ZNF136: variants seen among roughly 807,000 people sequenced by gnomAD.
The protein encoded by ZNF136 is zinc finger protein 136 (clone pHZ-20).
ZNF136 carries 8 observed loss-of-function variants against 11.4 expected under a neutral mutation model. The observed-to-expected ratio is 0.70, with a 90% CI of 0.41 to 1.27. The LOEUF is 1.27. Among genes scored for constraint, ZNF136 ranks in the 50% most tolerant of loss-of-function variants. The probability of loss-of-function intolerance (pLI) is 0.01; values close to 1 mark genes in which losing one functional copy is unlikely to be tolerated. For synonymous variants in ZNF136, 190 were observed against 207.1 expected (o/e 0.92, Z 0.71); for missense variants, 590 against 656.5 (o/e 0.90, Z 1.11).
intron 1 of ZNF136, among the ~76,000 whole-genome samples, chr19:12,171,716 G>A (rs888546619): frequency 7.3e-5 from 11 of 151,592 alleles, no homozygotes; most frequent in South Asian, 2.1e-4. Context: ...TTTTTTGGCC[G>A]CCTTCTGCAT....
At chr19:12,184,727 C>T (rs972424540) in intron 1 of ZNF136, 2 of 152,072 alleles carry the variant, frequency 1.3e-5, no homozygotes, top group Non-Finnish European at 2.9e-5. Context: ...GAAATGCTTC[C>T]TGGAGTGTTT....
At chr19:12,167,215 A>G (rs2145626047) in intron 1 of ZNF136, among the ~76,000 whole-genome samples, 1 of 152,304 alleles carries the variant, frequency 6.6e-6, no homozygotes, top group Non-Finnish European at 1.5e-5. Flanking sequence ...GTAGTTCTCT[A>G]TATTTTGGAG....
chr19:12,186,802 C>G lies in ZNF136; in HGVS notation c.424C>G (p.Arg142Gly). The change falls in exon 4 of 4, where the codon CGT (arginine) becomes GGT (glycine). Residue 142 changes from arginine (R) to glycine (G), a missense_variant. Arg to Gly is a moderately radical substitution (Grantham distance 125). Transcript: ENST00000343979. The part of the protein sequence containing the change: ...YQEYGEKPDT[R>G]NQCWKPFSSH... ...GGAATATGGAGAGAAGCCAGATACA[C>G]GTAACCAGTGTTGGAAACCCTTCAG... 1 of 1,614,140 alleles carries G rather than the reference C, an allele frequency of 6.2e-7. No individual in the cohort carries two copies. Among genetic ancestry groups the G allele is most frequent in the Non-Finnish European group, 8.5e-7 (1 of 1,180,012 alleles).
chr19:12,181,653 G>A lies in ZNF136; in HGVS notation c.4-4132G>A, dbSNP rs1420706105. On this transcript the variant is annotated intron_variant, in intron 1 of 3. Coordinates refer to ENST00000343979, the MANE Select transcript of ZNF136 (RefSeq NM_003437.5). Reference sequence around the variant, plus strand: ...ACGCCCAGCTAATTTTTTTTGGGGGGGGACAGAGCCTCACTGAGTCGCCCA... The same window carrying A: ...ACGCCCAGCTAATTTTTTTTGGGGGAGGACAGAGCCTCACTGAGTCGCCCA... Among the ~76,000 whole-genome samples the A allele has an allele frequency of 2.0e-5, 3 of 151,072 alleles. No homozygotes were observed. The East Asian group carries it at 5.8e-4, about 29-fold the overall frequency.
At chr19:12,166,118 C>T (rs986536179) in intron 1 of ZNF136, among the ~76,000 whole-genome samples, 1 of 151,820 alleles carries the variant, frequency 6.6e-6, no homozygotes, top group Non-Finnish European at 1.5e-5. Flanking sequence ...ATCCCAGGTA[C>T]TCAGGAGGCT....
intron 1 of ZNF136, among the ~76,000 whole-genome samples, chr19:12,178,711 C>T (rs972830673): frequency 1.3e-5 from 2 of 151,284 alleles, no homozygotes; most frequent in African/African-American, 2.5e-5. Context: ...GTGAATCAGG[C>T]GGGGAGGGGT....
intron 1 of ZNF136, among the ~76,000 whole-genome samples, chr19:12,168,829 C>A (rs889730885): frequency 6.6e-6 from 1 of 151,994 alleles, no homozygotes; most frequent in Non-Finnish European, 1.5e-5. Context: ...GTGCCTGCCA[C>A]CAGGCCCGGC....
chr19:12,183,548 AATCTATCTATCTATCTATCTATCTATCT>A (rs57826139), intron 1 of ZNF136, among the ~76,000 whole-genome samples: 30 of 145,418 alleles, frequency 2.1e-4, no homozygotes, highest in African/African-American at 7.7e-4. Flanking sequence ...CACATAACTG[AATCTATCTATCTATCTATCTATCTATCT>A]ATCTATCTAT....
chr19:12,168,051 C>CTTTTTCT (rs1914526071), intron 1 of ZNF136, among the ~76,000 whole-genome samples: 31 of 61,676 alleles, frequency 5.0e-4, no homozygotes, highest in African/African-American at 1.8e-3. Flanking sequence ...TTTTTCTTTT[C>CTTTTTCT]TTTTTCTTTT....
At chr19:12,184,506 A>T (rs1915033146) in intron 1 of ZNF136, 1 of 151,110 alleles carries the variant, frequency 6.6e-6, no homozygotes, top group African/African-American at 2.4e-5. Context: ...GCTTGCAGTG[A>T]GCCGAGATCA....
intron 1 of ZNF136, among the ~76,000 whole-genome samples, chr19:12,180,094 C>A (rs1175748176): frequency 1.3e-5 from 2 of 152,114 alleles, no homozygotes; most frequent in Non-Finnish European, 2.9e-5. Context: ...TCTTGATCTC[C>A]TGACCTCGTG....
rs920971915 is a variant in ZNF136, at chr19:12,189,239, G to T, written c.*1238G>T. 48 of 152,134 alleles carry T rather than the reference G, an allele frequency of 3.2e-4. No individual in the cohort carries two copies. Among genetic ancestry groups the T allele is most frequent in the African/African-American group, 1.1e-3 (47 of 41,426 alleles). The allele number at this position is 152,134 out of a possible 1,614,324, so 9.4% of individuals were successfully genotyped here. Reference sequence around the variant, plus strand: ...GAAAAATAAGTCTTAATAAATGTTGGTATGAACCTACTTGCTTCATTTAGC... The same window carrying T: ...GAAAAATAAGTCTTAATAAATGTTGTTATGAACCTACTTGCTTCATTTAGC... On this transcript the variant is annotated 3_prime_UTR_variant, in exon 4 of 4. Coordinates refer to ENST00000343979, the MANE Select transcript of ZNF136 (RefSeq NM_003437.5).
intron 1 of ZNF136, among the ~76,000 whole-genome samples, chr19:12,164,158 T>G (rs1476344333): frequency 1.3e-5 from 2 of 152,160 alleles, no homozygotes; most frequent in African/African-American, 4.8e-5. Context: ...ACCCTGCTTC[T>G]AAATAGCCAA....
At chr19:12,184,159 G>C (rs1393242637) in intron 1 of ZNF136, among the ~76,000 whole-genome samples, 1 of 151,964 alleles carries the variant, frequency 6.6e-6, no homozygotes, top group Admixed American at 6.6e-5. Flanking sequence ...CCACCTCCTC[G>C]GGAGGTTGAG....
rs1599461958 is a variant in ZNF136 at position 12,188,164 on chromosome 19, A to G, written c.*163A>G. On this transcript the variant is annotated 3_prime_UTR_variant, in exon 4 of 4. Coordinates refer to ENST00000343979, the MANE Select transcript of ZNF136 (RefSeq NM_003437.5). Reference sequence around the variant, plus strand: ...TGTAAGTAACATGGGAAAGCTTTCAATCATTTTAGTTCCTTTCAAATACAT... The same window carrying G: ...TGTAAGTAACATGGGAAAGCTTTCAGTCATTTTAGTTCCTTTCAAATACAT... The G allele has an allele frequency of 5.8e-6, 3 of 516,908 alleles. No homozygotes were observed. The highest frequency in any genetic ancestry group is 3.2e-5 in the East Asian group (1 of 31,126). 32.0% of individuals were successfully genotyped at this position (516,908 alleles called of 1,614,324 possible).
chr19:12,180,015 G>A (rs201757252), intron 1 of ZNF136, among the ~76,000 whole-genome samples: 1 of 151,868 alleles, frequency 6.6e-6, no homozygotes, highest in African/African-American at 2.4e-5. Context: ...ACAGGTGCCC[G>A]CCACCACACC....
At chr19:12,177,304 T>G (rs140307868) in intron 1 of ZNF136, among the ~76,000 whole-genome samples, 18 of 152,370 alleles carry the variant, frequency 1.2e-4, no homozygotes, top group African/African-American at 4.3e-4. Context: ...ACAGTGTTGC[T>G]TTTCTGGGCT....
chr19:12,164,150 C>T (rs956628549), intron 1 of ZNF136, among the ~76,000 whole-genome samples: 3 of 152,062 alleles, frequency 2.0e-5, no homozygotes, highest in African/African-American at 7.2e-5. Context: ...TCTAGCATAC[C>T]CTGCTTCTAA....
At chr19:12,180,662 T>C (rs1914917154) in intron 1 of ZNF136, among the ~76,000 whole-genome samples, 1 of 152,202 alleles carries the variant, frequency 6.6e-6, no homozygotes, top group Non-Finnish European at 1.5e-5. Context: ...TTCAGCACCA[T>C]TTCAGGAACT....
Sources: gnomAD v4.1 joint callset for allele counts (sites outside exome capture counted in the v4.1 genomes callset) on GRCh38, gnomAD v4.1.1 for gene constraint, MANE v1.5 for transcripts, NCBI Gene and HGNC (gene_info 2026-07-23, HGNC 2026-07-21) for gene names.